The following BARD1 variants were observed in gnomAD, a reference collection of about 807,000 sequenced individuals.
BARD1 encodes the protein BRCA1-associated RING domain protein 1.
BARD1 carries 73 observed loss-of-function variants against 77.0 expected under a neutral mutation model. The ratio of observed to expected loss-of-function variants is 0.95; its 90% CI spans 0.79 to 1.15. BARD1 has a LOEUF of 1.15. Among genes scored for constraint, BARD1 ranks in the 50% most tolerant of loss-of-function variants. The pLI is 0.00. For synonymous variants in BARD1, 384 were observed against 338.0 expected, an observed-to-expected ratio of 1.14 and a Z score of -1.49; for missense variants, 993 against 938.8, an observed-to-expected ratio of 1.06 and a Z score of -0.75.
chr2:214,796,869 T>C, intron 2 of BARD1, 192 bp downstream of exon 2: 1 of 594,684 alleles, frequency 1.7e-6, no homozygotes, highest in Admixed American at 3.0e-5. Flanking sequence ...TCATCCTCTT[T>C]GAGCTTTGGT....
chr2:214,792,149 T>TA, intron 3 of BARD1, 148 bp downstream of exon 3: 34 of 759,808 alleles, frequency 4.5e-5, no homozygotes, highest in Non-Finnish European at 4.7e-5. Context: ...CAATGGCTAT[T>TA]TAAAAAAAAA....
intron 10 of BARD1, among the ~76,000 whole-genome samples, chr2:214,729,357 T>C (rs1475767250): frequency 6.6e-6 from 1 of 152,216 alleles, no homozygotes; most frequent in Non-Finnish European, 1.5e-5. Flanking sequence ...GTGTGGAATT[T>C]TCCACTTGTG....
In BARD1 at chr2:214,732,301, CT is replaced by C. The variant is rs1341588066; in HGVS notation, c.1904-1794del. Among the ~76,000 whole-genome samples, 3 of 152,172 alleles carry C rather than the reference CT, an allele frequency of 2.0e-5. No homozygotes were observed. The East Asian group carries it at 5.8e-4, about 29-fold the overall frequency. ...GGGTGGCTAAGAACCAACAGTTAAT[CT>C]GCTACCCAGAACTGTCCTGCGATTG... is the stretch of plus-strand genomic sequence containing the variant. On this transcript the variant is annotated intron_variant, in intron 9 of 10. Transcript: ENST00000260947.
At chr2:214,736,635 C>G (rs1469383671) in intron 9 of BARD1, among the ~76,000 whole-genome samples, 2 of 152,038 alleles carry the variant, frequency 1.3e-5, no homozygotes, top group East Asian at 3.9e-4. Flanking sequence ...GCATCTATTC[C>G]TCCTGAAAAC....
chr2:214,726,065 T>A lies in BARD1; in HGVS notation c.*2611A>T, dbSNP rs2292821. 0.28 allele frequency: 60,097 copies of A among 216,172 alleles called. 9,061 individuals carry two copies. The highest frequency in any genetic ancestry group is 0.41 in the South Asian group (2,226 of 5,386). 13.4% of individuals were successfully genotyped at this position (216,172 alleles called of 1,614,324 possible). On this transcript the variant is annotated 3_prime_UTR_variant, in exon 11 of 11. Transcript: ENST00000260947. The stretch of plus-strand genomic sequence containing the variant: ...AAAAAAAAAAAGGTGGGGGGACCGA[T>A]GAAATAAAGGAAAAATTCTATTTAC...
chr2:214,752,544 C>A lies in BARD1; in HGVS notation c.1580G>T (p.Gly527Val), dbSNP rs587781507. The A allele has an allele frequency of 6.2e-7, 1 of 1,612,874 alleles. No individual in the cohort carries two copies. Among genetic ancestry groups the A allele is most frequent in the Non-Finnish European group, 8.5e-7 (1 of 1,179,046 alleles). ...ATCTGTATAATCGACAGGCCGCAGACCAAATATATTACTGGTAAAATAAGT... is the reference window on the plus strand; with the variant it reads ...ATCTGTATAATCGACAGGCCGCAGAACAAATATATTACTGGTAAAATAAGT... The part of the protein sequence containing the change: ...GASRNAVNIF[G>V]LRPVDYTDDE... The change falls in exon 7 of 11, where the codon GGT becomes GTT. Residue 527 changes from glycine to valine, a missense_variant. Coordinates refer to ENST00000260947, the MANE Select transcript of BARD1 (RefSeq NM_000465.4).
At chr2:214,797,336 G>T (rs1224670058) in intron 1 of BARD1, among the ~76,000 whole-genome samples, 2 of 152,194 alleles carry the variant, frequency 1.3e-5, no homozygotes, top group African/African-American at 4.8e-5. Context: ...CTGGGTACAA[G>T]TTGTAATACA....
intron 3 of BARD1, among the ~76,000 whole-genome samples, chr2:214,790,950 T>A (rs181653843): frequency 1.3e-5 from 2 of 152,170 alleles, no homozygotes; most frequent in African/African-American, 4.8e-5. Flanking sequence ...GAAAGGTAGA[T>A]CACACACCAA....
Position 214,736,107 on chromosome 2 carries a change from A to G in BARD1, c.1904-5599T>C, listed in dbSNP as rs114490002. On this transcript the variant is annotated intron_variant, in intron 9 of 10. Coordinates refer to ENST00000260947, the MANE Select transcript of BARD1 (RefSeq NM_000465.4). ...AAATTGTTTACATATAATAAAAATTATACTCTAAAAAAGGCATAAATTTTA... is the reference window on the plus strand; with the variant it reads ...AAATTGTTTACATATAATAAAAATTGTACTCTAAAAAAGGCATAAATTTTA... Among the ~76,000 whole-genome samples, 447 of 152,178 alleles carry G rather than the reference A, an allele frequency of 2.9e-3. 4 individuals carry two copies. Among genetic ancestry groups the G allele is most frequent in the African/African-American group, 0.01 (430 of 41,520 alleles).
At chr2:214,788,487 A>G (rs1695375127) in intron 3 of BARD1, among the ~76,000 whole-genome samples, 1 of 152,114 alleles carries the variant, frequency 6.6e-6, no homozygotes, top group South Asian at 2.1e-4. Flanking sequence ...TATACCATAC[A>G]CTATGTCCAT....
At chr2:214,749,240 G>C (rs746720310) in intron 7 of BARD1, among the ~76,000 whole-genome samples, 22 of 151,950 alleles carry the variant, frequency 1.4e-4, no homozygotes, top group Non-Finnish European at 3.2e-4. Flanking sequence ...GAGTATGTTT[G>C]GTGGACTCAA....
rs876658395 is a variant in BARD1 at position 214,730,457 on chromosome 2, T to C, written c.1955A>G (p.Glu652Gly). 2 of 1,614,002 alleles carry C rather than the reference T, an allele frequency of 1.2e-6. No homozygotes were observed. Among genetic ancestry groups the C allele is most frequent in the Admixed American group, 1.7e-5 (1 of 60,026 alleles). ...RKVCEQEEKY[E>G]IPEGPRRSRL... ...GCTTCTGCGTGGACCTTCAGGAATT[T>C]CATACTTTTCTTCCTGTTCACATAC... The change falls in exon 10 of 11, where the codon GAA (glutamate) becomes GGA (glycine). Residue 652 changes from glutamate (E) to glycine (G), a missense_variant. Physicochemically the swap from Glu to Gly is moderately conservative, Grantham distance 98. Transcript: ENST00000260947.
At chr2:214,736,079 T>A (rs1314279784) in intron 9 of BARD1, among the ~76,000 whole-genome samples, 1 of 152,082 alleles carries the variant, frequency 6.6e-6, no homozygotes, top group Non-Finnish European at 1.5e-5. Flanking sequence ...AAATGTGCTT[T>A]GAAAATTGTT....
At chr2:214,742,613 T>C (rs1692893880) in intron 9 of BARD1, among the ~76,000 whole-genome samples, 1 of 152,144 alleles carries the variant, frequency 6.6e-6, no homozygotes, top group Non-Finnish European at 1.5e-5. Flanking sequence ...AATCACCAAA[T>C]AGCACACTAT....
intron 3 of BARD1, among the ~76,000 whole-genome samples, chr2:214,787,182 AG>A (rs1405408626): frequency 6.6e-6 from 1 of 151,910 alleles, no homozygotes; most frequent in Non-Finnish European, 1.5e-5. Context: ...GAGCTTTTAA[AG>A]GAAAATTAAG....
chr2:214,745,410 T>C (rs1693055686), intron 8 of BARD1, among the ~76,000 whole-genome samples: 1 of 152,216 alleles, frequency 6.6e-6, no homozygotes, highest in African/African-American at 2.4e-5. Context: ...TATTTTCAAA[T>C]TACAGCTAAG....
intron 2 of BARD1, among the ~76,000 whole-genome samples, chr2:214,793,131 T>G (rs934481585): frequency 2.6e-5 from 4 of 152,272 alleles, no homozygotes; most frequent in Admixed American, 1.3e-4. Context: ...CCTCACCAGA[T>G]GGGTTCCAGT....
chr2:214,789,021 T>C (rs1338926018), intron 3 of BARD1, among the ~76,000 whole-genome samples: 1 of 151,146 alleles, frequency 6.6e-6, no homozygotes, highest in Non-Finnish European at 1.5e-5. Context: ...ACAACTTATA[T>C]TAAAGTAGAA....
At chr2:214,745,200 G>A in intron 8 of BARD1, 41 bp from the exon 9 acceptor site, 1 of 1,546,076 alleles carries the variant, frequency 6.5e-7, no homozygotes, top group Non-Finnish European at 8.9e-7. Context: ...AAAGATACAA[G>A]CCAAAGTATT....
Sources: allele counts gnomAD v4.1 joint callset (sites outside exome capture counted in the v4.1 genomes callset), GRCh38; gene constraint gnomAD v4.1.1; transcripts MANE v1.5; gene names NCBI Gene and HGNC (gene_info 2026-07-23, HGNC 2026-07-21).